The following HSF1 variants were observed in gnomAD, a reference collection of about 807,000 sequenced individuals.
HSF1 encodes the protein heat shock factor protein 1.
In HSF1, 32 loss-of-function variants were observed where a neutral mutation model predicts 51.7. That is an observed-to-expected ratio of 0.62 (90% CI 0.47 to 0.83). The LOEUF is 0.83. Among genes scored for constraint, HSF1 ranks in the 40% least tolerant of loss-of-function variants. The probability of loss-of-function intolerance (pLI) is 0.00; values close to 1 mark genes in which losing one functional copy is unlikely to be tolerated. For synonymous variants in HSF1, 396 were observed against 309.7 expected (o/e 1.28, Z -2.92); for missense variants, 727 against 717.0 (o/e 1.01, Z -0.16).
intron 4 of HSF1, 32 bp downstream of exon 4, chr8:144,309,928 C>T (rs782128944): frequency 9.9e-6 from 15 of 1,517,608 alleles, no homozygotes; most frequent in Admixed American, 1.9e-5. Flanking sequence ...TGGGCCACAG[C>T]GGGTCCTGGC....
intron 1 of HSF1, among the ~76,000 whole-genome samples, chr8:144,299,681 G>A (rs1250396990): frequency 9.2e-5 from 14 of 151,730 alleles, no homozygotes; most frequent in African/African-American, 2.4e-4. Flanking sequence ...AGGCCGAGGC[G>A]GGTGGATCAC....
At chr8:144,309,079 C>G (rs1437578794) in intron 2 of HSF1, 65 bp downstream of exon 2, 6 of 1,229,878 alleles carry the variant, frequency 4.9e-6, no homozygotes, top group Non-Finnish European at 7.2e-6. Context: ...GGGACCCCAG[C>G]AGGAGGACCC....
chr8:144,313,822 C>G, intron 10 of HSF1, 24 bp from the exon 11 acceptor site: 2 of 1,510,214 alleles, frequency 1.3e-6, no homozygotes, highest in Non-Finnish European at 1.8e-6. Flanking sequence ...GGGTGCTGTT[C>G]TGACTTCCCT....
chr8:144,307,233 C>T (rs991469171), intron 1 of HSF1, among the ~76,000 whole-genome samples: 2 of 152,364 alleles, frequency 1.3e-5, no homozygotes, highest in South Asian at 2.1e-4. Context: ...CCTCGGCAAA[C>T]AGCTTTTTTA....
At chr8:144,307,004 C>T (rs1407817145) in intron 1 of HSF1, among the ~76,000 whole-genome samples, 4 of 152,192 alleles carry the variant, frequency 2.6e-5, no homozygotes, top group South Asian at 2.1e-4. Context: ...TTCCTGCTTA[C>T]ACAGAGCCTC....
chr8:144,309,436 C>T lies in HSF1; in HGVS notation c.227-19C>T. 2 of 1,613,644 alleles carry T rather than the reference C, an allele frequency of 1.2e-6. No individual in the cohort carries two copies. Among genetic ancestry groups the T allele is most frequent in the South Asian group, 1.1e-5 (1 of 91,084 alleles). On this transcript the variant is annotated intron_variant, in intron 2 of 12. Transcript: ENST00000528838. ...GTCCCGCCCTGAGGCAGAGCTGCCCCCTTCCCTGTTATGTGCAGATGGCTT... is the reference window on the plus strand; with the variant it reads ...GTCCCGCCCTGAGGCAGAGCTGCCCTCTTCCCTGTTATGTGCAGATGGCTT...
intron 1 of HSF1, among the ~76,000 whole-genome samples, chr8:144,293,116 T>C (rs1021403648): frequency 6.6e-6 from 1 of 152,244 alleles, no homozygotes; most frequent in East Asian, 1.9e-4. Context: ...CTCTTTATGC[T>C]GTTAGGAATG....
Position 144,311,744 on chromosome 8 carries a change from T to TG in HSF1, c.769dup (p.Ala257GlyfsTer76), listed in dbSNP as rs1361792352. The TG allele has an allele frequency of 6.2e-7, 1 of 1,612,832 alleles. No homozygotes were observed. Among genetic ancestry groups the TG allele is most frequent in the Non-Finnish European group, 8.5e-7 (1 of 1,179,778 alleles). ...GCAGCTCCAGCCTCTACGCCCCTGA[T>TG]GCTGTGGCCAGCTCTGGACCCATCA... On this transcript the variant is annotated frameshift_variant, in exon 8 of 13. Coordinates refer to ENST00000528838, the MANE Select transcript of HSF1 (RefSeq NM_005526.4). LOFTEE classifies it high-confidence loss of function.
intron 1 of HSF1, among the ~76,000 whole-genome samples, chr8:144,303,969 T>C (rs974679461): frequency 2.0e-5 from 3 of 152,230 alleles, no homozygotes; most frequent in Admixed American, 1.3e-4. Context: ...CTCAGCCTGC[T>C]GTGGCGGGGG....
In HSF1 at chr8:144,291,897, G is replaced by A. The variant is rs782746156; in HGVS notation, c.117+23G>A. On this transcript the variant is annotated intron_variant, in intron 1 of 12. Coordinates refer to ENST00000528838, the MANE Select transcript of HSF1 (RefSeq NM_005526.4). This position sits in a 1 kb window ranked among gnomAD's most constrained non-coding sequence, Gnocchi z 4.1. ...CCGGTGAGGGCAGCGCGCGGGCGCG[G>A]GGCCCGTGGGGACCGGGAGGGAGCA... 2 of 1,368,790 alleles carry A rather than the reference G, an allele frequency of 1.5e-6. No individual in the cohort carries two copies. Among genetic ancestry groups the A allele is most frequent in the Admixed American group, 5.3e-5 (2 of 37,848 alleles). 84.8% of individuals were successfully genotyped at this position (1,368,790 alleles called of 1,614,324 possible). A position where few individuals can be genotyped will look rare whatever the true frequency, so the allele number is the denominator to read the frequency against.
Position 144,312,236 on chromosome 8 carries a change from C to T in HSF1, c.1134C>T (p.Cys378=), listed in dbSNP as rs781950818. The T allele has an allele frequency of 4.5e-6, 7 of 1,567,760 alleles. No homozygotes were observed. The highest frequency in any genetic ancestry group is 6.1e-6 in the Non-Finnish European group (7 of 1,155,154). ...STPEKCLSVA[C]LDKNELSDHL... is the part of the protein sequence containing the mutation. ...CTGAAAAGTGCCTCAGCGTAGCCTGCCTGGACAAGTGAGTGCCGCCCACCC... is the reference window on the plus strand; with the variant it reads ...CTGAAAAGTGCCTCAGCGTAGCCTGTCTGGACAAGTGAGTGCCGCCCACCC... The change falls in exon 9 of 13, where the codon TGC becomes TGT. Residue 378 remains cysteine (C), a synonymous_variant. Transcript: ENST00000528838.
In HSF1 at chr8:144,291,629, T is replaced by C; in HGVS notation, c.-129T>C. ...CGTTGCAAGATGGCGGCGGCCATGC[T>C]GGGCCCCGGGGCTGTGTGTGCGCAG... On this transcript the variant is annotated 5_prime_UTR_variant, in exon 1 of 13. Coordinates refer to ENST00000528838, the MANE Select transcript of HSF1 (RefSeq NM_005526.4). This position sits in a 1 kb window ranked among gnomAD's most constrained non-coding sequence, Gnocchi z 4.1. 1 of 415,574 alleles carries C rather than the reference T, an allele frequency of 2.4e-6. No individual in the cohort carries two copies. The highest frequency in any genetic ancestry group is 3.8e-6 in the Non-Finnish European group (1 of 261,386). The allele number at this position is 415,574 out of a possible 1,614,324, so 25.7% of individuals were successfully genotyped here. A position where few individuals can be genotyped will look rare whatever the true frequency, so the allele number is the denominator to read the frequency against.
intron 1 of HSF1, among the ~76,000 whole-genome samples, chr8:144,295,100 T>C (rs1180366578): frequency 2.0e-5 from 3 of 152,262 alleles, no homozygotes; most frequent in Admixed American, 6.5e-5. Flanking sequence ...CCCCGTGCCC[T>C]GGTGCCGGCC....
chr8:144,294,360 A>C (rs564671370), intron 1 of HSF1, among the ~76,000 whole-genome samples: 46 of 152,192 alleles, frequency 3.0e-4, no homozygotes, highest in African/African-American at 1.1e-3. Context: ...TCTACTGCCC[A>C]GGCCCAGCTG....
At chr8:144,307,296 G>A (rs1225515717) in intron 1 of HSF1, among the ~76,000 whole-genome samples, 3 of 152,224 alleles carry the variant, frequency 2.0e-5, no homozygotes, top group Admixed American at 1.3e-4. Flanking sequence ...GGACTCTTAG[G>A]TCAGATGCTG....
intron 1 of HSF1, among the ~76,000 whole-genome samples, chr8:144,292,264 G>C (rs1006887380): frequency 6.6e-6 from 1 of 152,252 alleles, no homozygotes; most frequent in Non-Finnish European, 1.5e-5. Flanking sequence ...GACAGCCTAC[G>C]GGGTGCTGGG....
chr8:144,303,085 A>G (rs1232882996), intron 1 of HSF1, among the ~76,000 whole-genome samples: 1 of 152,062 alleles, frequency 6.6e-6, no homozygotes, highest in Admixed American at 6.5e-5. Flanking sequence ...TTCAGCATTT[A>G]CCACACGGCC....
At chr8:144,293,930 T>A (rs1038743684) in intron 1 of HSF1, among the ~76,000 whole-genome samples, 1 of 151,690 alleles carries the variant, frequency 6.6e-6, no homozygotes, top group African/African-American at 2.4e-5. Context: ...CAGTGTACCC[T>A]TTTTTGGGAC....
intron 9 of HSF1, chr8:144,312,770 C>A: frequency 6.9e-7 from 1 of 1,439,932 alleles, no homozygotes; most frequent in Non-Finnish European, 9.4e-7. Context: ...GGCCCTCCCA[C>A]ACAGCCGTGG....
Sources: gnomAD v4.1 joint callset for allele counts (sites outside exome capture counted in the v4.1 genomes callset) on GRCh38, gnomAD v4.1.1 for gene constraint, Gnocchi (gnomAD v3.1) non-coding constraint, MANE v1.5 for transcripts, NCBI Gene and HGNC (gene_info 2026-07-23, HGNC 2026-07-21) for gene names.